RXRA: variants seen among roughly 807,000 people sequenced by gnomAD.
The protein encoded by RXRA is retinoic acid receptor RXR-alpha.
In RXRA, 5 loss-of-function variants were observed where a neutral mutation model predicts 44.5. The observed-to-expected ratio is 0.11, with a 90% CI of 0.06 to 0.24. The LOEUF (loss-of-function observed/expected upper bound fraction) is 0.24, where lower values mean the gene tolerates loss of function less well. Ranked by LOEUF, RXRA falls within the 10% of genes least tolerant of loss-of-function variation. RXRA has a pLI of 1.00. For synonymous variants in RXRA, 291 were observed against 271.4 expected (o/e 1.07, Z -0.71); for missense variants, 412 against 646.5 (o/e 0.64, Z 3.93).
intron 4 of RXRA, among the ~76,000 whole-genome samples, chr9:134,410,391 G>A (rs2119162688): frequency 6.6e-6 from 1 of 152,284 alleles, no homozygotes; most frequent in South Asian, 2.1e-4. Flanking sequence ...CTTGCGCAGG[G>A]TCACATGCTG....
intron 1 of RXRA, among the ~76,000 whole-genome samples, chr9:134,374,880 G>T (rs898355035): frequency 6.6e-6 from 1 of 152,208 alleles, no homozygotes; most frequent in African/African-American, 2.4e-5. Context: ...AGCTGGCGCC[G>T]ACCTGGTCCC....
chr9:134,409,169 G>T, intron 4 of RXRA, 50 bp downstream of exon 4: 1 of 1,486,946 alleles, frequency 6.7e-7, no homozygotes, highest in Non-Finnish European at 9.0e-7. Context: ...GACAAACAGT[G>T]GGGCCCGGGC....
intron 1 of RXRA, among the ~76,000 whole-genome samples, chr9:134,354,575 C>T (rs781790285): frequency 2.0e-5 from 3 of 152,140 alleles, no homozygotes; most frequent in Non-Finnish European, 4.4e-5. Flanking sequence ...GATCGGCAGC[C>T]GTGGGGGTGG....
At chr9:134,435,544 G>A (rs1039194668) in intron 9 of RXRA, among the ~76,000 whole-genome samples, 4 of 152,196 alleles carry the variant, frequency 2.6e-5, no homozygotes, top group African/African-American at 9.7e-5. Flanking sequence ...GGGTGGCCCT[G>A]GTCTGGGGCC....
chr9:134,333,007 G>C (rs1554746860), intron 1 of RXRA, among the ~76,000 whole-genome samples: 1 of 152,138 alleles, frequency 6.6e-6, no homozygotes, highest in African/African-American at 2.4e-5. Flanking sequence ...CTTTTCCCTG[G>C]CCCTGGCTCC....
chr9:134,427,988 G>T (rs1036551493), intron 6 of RXRA, among the ~76,000 whole-genome samples: 1 of 151,976 alleles, frequency 6.6e-6, no homozygotes, highest in African/African-American at 2.4e-5. Context: ...GTGCGTGTGT[G>T]CGCGAGGGTC....
Position 134,439,182 on chromosome 9 carries a change from GC to G in RXRA, c.*2569del, listed in dbSNP as rs1260435405. The G allele has an allele frequency of 6.6e-6, 1 of 152,196 alleles. No individual in the cohort carries two copies. Among genetic ancestry groups the G allele is most frequent in the Non-Finnish European group, 1.5e-5 (1 of 68,038 alleles). The allele number at this position is 152,196 out of a possible 1,614,324, so 9.4% of individuals were successfully genotyped here. ...GACAATCTTTAATTTTCTAAAGATAGCACTAACATCAGCTCATTAGCCACCT... is the reference window on the plus strand; with the variant it reads ...GACAATCTTTAATTTTCTAAAGATAGACTAACATCAGCTCATTAGCCACCT... On this transcript the variant is annotated 3_prime_UTR_variant, in exon 10 of 10. Transcript: ENST00000481739.
chr9:134,326,617 G>C lies in RXRA; in HGVS notation c.-15G>C. ...GCTGCCTGCGCCGCCGGCCGGGCAT[G>C]AGTTAGTCGCAGACATGGACACCAA... On this transcript the variant is annotated 5_prime_UTR_variant, in exon 1 of 10. An upstream start codon of the reference 5' UTR is lost. Coordinates refer to ENST00000481739, the MANE Select transcript of RXRA (RefSeq NM_002957.6). 1.0e-6 allele frequency: 1 copy of C among 963,922 alleles called. No homozygotes were observed. Among genetic ancestry groups the C allele is most frequent in the Non-Finnish European group, 1.2e-6 (1 of 814,900 alleles). The allele number at this position is 963,922 out of a possible 1,614,324, so 59.7% of individuals were successfully genotyped here.
intron 1 of RXRA, among the ~76,000 whole-genome samples, chr9:134,340,649 C>T (rs1198992792): frequency 6.6e-6 from 1 of 152,186 alleles, no homozygotes; most frequent in Non-Finnish European, 1.5e-5. Flanking sequence ...ATGCACGCCT[C>T]GGCCCGCAGC....
intron 2 of RXRA, among the ~76,000 whole-genome samples, chr9:134,406,783 C>G (rs1245281806): frequency 6.6e-6 from 1 of 152,266 alleles, no homozygotes; most frequent in Non-Finnish European, 1.5e-5. Context: ...GCCTCTGCAT[C>G]TGGGACACCC....
At chr9:134,423,143 G>A in intron 6 of RXRA, 1 of 985,490 alleles carries the variant, frequency 1.0e-6, no homozygotes. Flanking sequence ...GGGGCGTGCT[G>A]ACTGGGGCTG....
intron 1 of RXRA, among the ~76,000 whole-genome samples, chr9:134,341,558 C>T (rs1830086502): frequency 1.3e-5 from 2 of 152,238 alleles, no homozygotes; most frequent in Non-Finnish European, 2.9e-5. Context: ...TAGGCCCCCG[C>T]CCTCCAGTCT....
At chr9:134,384,059 G>T (rs762282558) in intron 1 of RXRA, among the ~76,000 whole-genome samples, 2 of 152,138 alleles carry the variant, frequency 1.3e-5, no homozygotes, top group Non-Finnish European at 2.9e-5. Context: ...GGGAGTCCCA[G>T]ACCCTCCACA....
In RXRA at chr9:134,438,424, G is replaced by C. The variant is rs1313294196; in HGVS notation, c.*1810G>C. On this transcript the variant is annotated 3_prime_UTR_variant, in exon 10 of 10. Coordinates refer to ENST00000481739, the MANE Select transcript of RXRA (RefSeq NM_002957.6). ...GGAGCCTGCAGCTGAGTCTGTGCCC[G>C]AGACAGGCTGTCAGAGATTCCAGAA... is the stretch of plus-strand genomic sequence containing the variant. The C allele has an allele frequency of 6.6e-6, 1 of 152,230 alleles. No homozygotes were observed. Among genetic ancestry groups the C allele is most frequent in the Admixed American group, 6.5e-5 (1 of 15,282 alleles). The allele number at this position is 152,230 out of a possible 1,614,324, so 9.4% of individuals were successfully genotyped here. A position where few individuals can be genotyped will look rare whatever the true frequency, so the allele number is the denominator to read the frequency against.
At chr9:134,355,759 G>C (rs1277952172) in intron 1 of RXRA, among the ~76,000 whole-genome samples, 1 of 152,196 alleles carries the variant, frequency 6.6e-6, no homozygotes, top group Non-Finnish European at 1.5e-5. Flanking sequence ...GCCACACGTT[G>C]GAGGCAGGTA....
chr9:134,338,902 G>T (rs1230152156), intron 1 of RXRA, among the ~76,000 whole-genome samples: 1 of 152,198 alleles, frequency 6.6e-6, no homozygotes, highest in Non-Finnish European at 1.5e-5. Flanking sequence ...TGCCCTCCCT[G>T]CTGACCCCTC....
chr9:134,381,729 G>T (rs2119102715), intron 1 of RXRA, among the ~76,000 whole-genome samples: 1 of 152,250 alleles, frequency 6.6e-6, no homozygotes, highest in East Asian at 1.9e-4. Flanking sequence ...TCCTGGTTCT[G>T]CCTATTTTCT....
At chr9:134,356,239 G>A (rs1342516914) in intron 1 of RXRA, among the ~76,000 whole-genome samples, 1 of 152,208 alleles carries the variant, frequency 6.6e-6, no homozygotes, top group Non-Finnish European at 1.5e-5. Flanking sequence ...ACTGTGTCAG[G>A]CTCTCGTAGG....
At chr9:134,330,806 G>T (rs968575759) in intron 1 of RXRA, among the ~76,000 whole-genome samples, 2 of 152,226 alleles carry the variant, frequency 1.3e-5, no homozygotes, top group Non-Finnish European at 2.9e-5. Context: ...GCCTCTTGGG[G>T]CTTTGGCTGT....
Sources: allele counts gnomAD v4.1 joint callset (sites outside exome capture counted in the v4.1 genomes callset), GRCh38; gene constraint gnomAD v4.1.1; transcripts MANE v1.5; gene names NCBI Gene and HGNC (gene_info 2026-07-23, HGNC 2026-07-21).